GAB3: variants seen among roughly 807,000 people sequenced by gnomAD.
The protein encoded by GAB3 is GRB2 associated binding protein 3.
In GAB3, 12 loss-of-function variants were observed where a neutral mutation model predicts 40.4. The ratio of observed to expected loss-of-function variants is 0.30; its 90% CI spans 0.19 to 0.48. The LOEUF (loss-of-function observed/expected upper bound fraction) is 0.48, where lower values mean the gene tolerates loss of function less well. Ranked by LOEUF, GAB3 falls within the 20% of genes least tolerant of loss-of-function variation. The probability of loss-of-function intolerance (pLI) is 0.99; values close to 1 mark genes in which losing one functional copy is unlikely to be tolerated. For missense variants in GAB3, 381 were observed against 461.9 expected, an observed-to-expected ratio of 0.82 and a Z score of 1.61; for synonymous variants, 154 against 176.7, an observed-to-expected ratio of 0.87 and a Z score of 1.02.
At chrX:154,687,476 T>A (rs781816413) in intron 8 of GAB3, among the ~76,000 whole-genome samples, 1 of 108,363 alleles carries the variant, frequency 9.2e-6, no homozygotes, top group South Asian at 4.0e-4. Context: ...CTAAAAAAGA[T>A]ACAAAAATTT....
chrX:154,737,480 C>T (rs1410775470), intron 1 of GAB3, among the ~76,000 whole-genome samples: 3 of 111,264 alleles, frequency 2.7e-5, no homozygotes, highest in African/African-American at 9.8e-5. Context: ...TCTCATCCAC[C>T]CCGATAACTT....
chrX:154,686,100 AACTAGAAGAGGAGAGAAC>A (rs1187008667), intron 8 of GAB3, among the ~76,000 whole-genome samples: 1 of 111,932 alleles, frequency 8.9e-6, no homozygotes, highest in East Asian at 2.8e-4. Context: ...CTGTTCCAGA[AACTAGAAGAGGAGAGAAC>A]ACTTCCTGAG....
At chrX:154,729,949 G>T (rs1467968138) in intron 1 of GAB3, among the ~76,000 whole-genome samples, 2 of 112,014 alleles carry the variant, frequency 1.8e-5, no homozygotes, top group African/African-American at 6.5e-5. Context: ...GAGGGTATGT[G>T]CCCGTTCAAG....
chrX:154,689,906 G>C (rs1189317092), intron 8 of GAB3, among the ~76,000 whole-genome samples: 4 of 103,547 alleles, frequency 3.9e-5, no homozygotes, highest in Non-Finnish European at 6.0e-5. Flanking sequence ...CACAGAATTG[G>C]AAAAAACTAC....
At chrX:154,691,140 T>A (rs1431210225) in intron 8 of GAB3, among the ~76,000 whole-genome samples, 7 of 107,919 alleles carry the variant, frequency 6.5e-5, no homozygotes, top group African/African-American at 1.4e-4. Flanking sequence ...AAATTGGAAA[T>A]CATCATTCTC....
At chrX:154,698,358 C>T (rs782064541) in intron 6 of GAB3, among the ~76,000 whole-genome samples, 2 of 112,049 alleles carry the variant, frequency 1.8e-5, no homozygotes, top group South Asian at 7.4e-4. Flanking sequence ...TCTTTGTATC[C>T]CACCCAGTGC....
chrX:154,744,563 G>A (rs782423782), intron 1 of GAB3, among the ~76,000 whole-genome samples: 1 of 112,084 alleles, frequency 8.9e-6, no homozygotes, highest in East Asian at 2.8e-4. Flanking sequence ...TAGAAATGTG[G>A]ACACTGTGGA....
At chrX:154,726,989 C>T (rs1403619624) in intron 1 of GAB3, among the ~76,000 whole-genome samples, 2 of 112,146 alleles carry the variant, frequency 1.8e-5, no homozygotes, top group Non-Finnish European at 3.8e-5. Flanking sequence ...ACTCTCAACT[C>T]CCCCCATAAA....
chrX:154,710,772 T>C (rs781958801), intron 4 of GAB3, among the ~76,000 whole-genome samples: 1 of 112,686 alleles, frequency 8.9e-6, no homozygotes, highest in Non-Finnish European at 1.9e-5. Context: ...TACTTAGTTT[T>C]AATCTTTGTT....
chrX:154,697,045 G>T, intron 7 of GAB3, 87 bp downstream of exon 7: 1 of 770,860 alleles, frequency 1.3e-6, no homozygotes. Context: ...AGCTAGATCA[G>T]ATGGGCTTCA....
At chrX:154,695,129 C>G (rs1358816208) in intron 8 of GAB3, among the ~76,000 whole-genome samples, 1 of 111,710 alleles carries the variant, frequency 9.0e-6, no homozygotes, top group Non-Finnish European at 1.9e-5. Context: ...TCTAAGATCT[C>G]TTTTCAAAAT....
chrX:154,718,777 A>G (rs1485187985), intron 1 of GAB3, among the ~76,000 whole-genome samples: 1 of 111,869 alleles, frequency 8.9e-6, no homozygotes. Context: ...AAACTTTCCA[A>G]AAGCCACTTT....
At chrX:154,745,817 C>T (rs189596328) in intron 1 of GAB3, among the ~76,000 whole-genome samples, 55 of 110,906 alleles carry the variant, frequency 5.0e-4, no homozygotes, top group African/African-American at 1.7e-3. Context: ...TTTGGGAGGC[C>T]GAAGCGGGTG....
intron 1 of GAB3, among the ~76,000 whole-genome samples, chrX:154,720,351 G>A (rs1231972634): frequency 8.9e-6 from 1 of 111,943 alleles, no homozygotes; most frequent in African/African-American, 3.3e-5. Flanking sequence ...ATAGTAGCTT[G>A]AAATCCATCA....
intron 4 of GAB3, among the ~76,000 whole-genome samples, chrX:154,700,945 G>A (rs782477989): frequency 6.9e-4 from 77 of 111,296 alleles, no homozygotes; most frequent in African/African-American, 2.4e-3. Context: ...GAAAAGATGT[G>A]ACAGAGACTG....
chrX:154,728,454 C>T (rs1043745371), intron 1 of GAB3, among the ~76,000 whole-genome samples: 1 of 112,381 alleles, frequency 8.9e-6, no homozygotes, highest in African/African-American at 3.2e-5. Flanking sequence ...GTGTTGGTCT[C>T]CTTCTGCGCT....
chrX:154,692,790 A>C (rs2070592584), intron 8 of GAB3, among the ~76,000 whole-genome samples: 1 of 111,768 alleles, frequency 8.9e-6, no homozygotes, highest in Admixed American at 9.5e-5. Context: ...TCTGTCTCCA[A>C]AAAAAAAGAT....
At position 154,712,484 on chromosome X, in the gene GAB3, A is replaced by C. The variant is rs199536745; in HGVS notation, c.814T>G (p.Ser272Ala). The C allele has an allele frequency of 8.3e-7, 1 of 1,210,222 alleles. No homozygotes were observed. The highest frequency in any genetic ancestry group is 1.1e-6 in the Non-Finnish European group (1 of 894,569). Residue 272 changes from serine to alanine, a missense_variant, in exon 4 of 10, where the codon TCT becomes GCT. Physicochemically the swap from Ser to Ala is moderately conservative, Grantham distance 99 (BLOSUM62 1). This residue lies in a region of GAB3 where 364 missense variants were observed against 421.0 expected (regional missense o/e 0.86). Transcript: ENST00000424127. ...GAACTTTCCAGCAATGGTGAAGAAG[A>C]CAAGTGGTCCCTGGGTGGCCCATTG... ...EINGPPRDHL[S>A]SSPLLESSLS...
chrX:154,689,192 A>C (rs1450197911), intron 8 of GAB3, among the ~76,000 whole-genome samples: 5 of 111,858 alleles, frequency 4.5e-5, no homozygotes, highest in Non-Finnish European at 9.4e-5. Flanking sequence ...AGATGCAGAA[A>C]AGGCCTTTGA....
Sources: gnomAD v4.1 joint callset for allele counts (sites outside exome capture counted in the v4.1 genomes callset) on GRCh38, gnomAD v4.1.1 for gene constraint, gnomAD v4.1.1 regional missense constraint, MANE v1.5 for transcripts, NCBI Gene and HGNC (gene_info 2026-07-23, HGNC 2026-07-21) for gene names.